PHB1: variants seen among roughly 807,000 people sequenced by gnomAD.
PHB1 encodes the protein epididymis luminal protein 215.
the PHB1 span, chr17:49,409,213 A>G: frequency 6.4e-7 from 1 of 1,573,106 alleles, no homozygotes; most frequent in Non-Finnish European, 8.7e-7. Flanking sequence ...GAAGCAGAAA[A>G]GGAACCAGGA....
the PHB1 span, among the ~76,000 whole-genome samples, chr17:49,408,601 C>T: frequency 3.3e-5 from 5 of 152,154 alleles, no homozygotes; most frequent in African/African-American, 1.2e-4. Flanking sequence ...ACTGGGGTTC[C>T]CAGAGCTTAC....
At chr17:49,405,169 A>G in the PHB1 span, 3 of 1,614,004 alleles carry the variant, frequency 1.9e-6, no homozygotes, top group Admixed American at 1.7e-5. Context: ...AGTCGCCCTC[A>G]GCAGAGATGA....
At chr17:49,409,212 A>G in the PHB1 span, 2 of 1,578,484 alleles carry the variant, frequency 1.3e-6, no homozygotes, top group Non-Finnish European at 1.7e-6. Context: ...GGAAGCAGAA[A>G]AGGAACCAGG....
the PHB1 span, chr17:49,411,913 A>T: frequency 1.0e-5 from 14 of 1,373,284 alleles, no homozygotes; most frequent in South Asian, 1.3e-4. Flanking sequence ...TCTTTGAAAG[A>T]GCCCTGGTGC....
At chr17:49,413,032 T>C in the PHB1 span, 1 of 635,116 alleles carries the variant, frequency 1.6e-6, no homozygotes, top group South Asian at 1.8e-5. Context: ...TGCAGTCCTG[T>C]GGTATGAAAT....
chr17:49,411,841 T>C, the PHB1 span: 1 of 1,613,244 alleles, frequency 6.2e-7, no homozygotes, highest in Non-Finnish European at 8.5e-7. Context: ...CAGCATCCAC[T>C]AGGAAGAAAG....
At chr17:49,409,598 A>G in the PHB1 span, 3 of 743,000 alleles carry the variant, frequency 4.0e-6, no homozygotes, top group African/African-American at 5.4e-5. Context: ...CTGGAGTACA[A>G]TGGGACAATC....
At chr17:49,406,890 T>C in the PHB1 span, 2 of 1,463,004 alleles carry the variant, frequency 1.4e-6, no homozygotes, top group Non-Finnish European at 9.6e-7. Flanking sequence ...TGAGGCAGTG[T>C]GATTGCTTCG....
chr17:49,409,530 GT>G, the PHB1 span: 1 of 1,146,860 alleles, frequency 8.7e-7, no homozygotes, highest in Non-Finnish European at 1.2e-6. Flanking sequence ...AGGAAAACAA[GT>G]GTTTTTTTTT....
chr17:49,407,665 A>AGCATT, the PHB1 span, among the ~76,000 whole-genome samples: 5 of 152,200 alleles, frequency 3.3e-5, no homozygotes, highest in Admixed American at 6.5e-5. Context: ...TCAAGAGAAG[A>AGCATT]GCATTGGTTT....
the PHB1 span, chr17:49,409,053 C>G: frequency 3.8e-6 from 6 of 1,599,604 alleles, no homozygotes; most frequent in Non-Finnish European, 5.1e-6. Context: ...AAGGACACGT[C>G]ATCCAGGATG....
At chr17:49,413,482 CTTT>C in the PHB1 span, among the ~76,000 whole-genome samples, 1 of 134,690 alleles carries the variant, frequency 7.4e-6, no homozygotes, top group African/African-American at 2.7e-5. Flanking sequence ...AATTCTTCTG[CTTT>C]TTTTTTTTTT....
the PHB1 span, chr17:49,409,541 T>TG: frequency 1.9e-6 from 2 of 1,057,260 alleles, no homozygotes; most frequent in Non-Finnish European, 2.6e-6. Flanking sequence ...TGTTTTTTTT[T>TG]TGTTTTTTTT....
chr17:49,413,513 T>A, the PHB1 span, among the ~76,000 whole-genome samples: 1 of 145,168 alleles, frequency 6.9e-6, no homozygotes, highest in Non-Finnish European at 1.5e-5. Flanking sequence ...TTTTCTTTCC[T>A]TTTTTTTTTT....
At chr17:49,408,982 C>T in the PHB1 span, 2 of 1,035,146 alleles carry the variant, frequency 1.9e-6, no homozygotes, top group South Asian at 1.5e-5. Context: ...AGAAATGGAG[C>T]CAGGCACCTA....
the PHB1 span, among the ~76,000 whole-genome samples, chr17:49,413,855 C>T: frequency 2.0e-5 from 3 of 152,054 alleles, no homozygotes; most frequent in Non-Finnish European, 4.4e-5. Context: ...GTCTGGGACA[C>T]TTGGTTCAAT....
chr17:49,406,253 A>C, the PHB1 span, among the ~76,000 whole-genome samples: 1 of 152,222 alleles, frequency 6.6e-6, no homozygotes, highest in Non-Finnish European at 1.5e-5. Flanking sequence ...TGGTGGGAAG[A>C]AGGGGACAAC....
chr17:49,406,508 A>G, the PHB1 span, among the ~76,000 whole-genome samples: 1 of 152,232 alleles, frequency 6.6e-6, no homozygotes, highest in African/African-American at 2.4e-5. Flanking sequence ...TTTGTAAGAG[A>G]GTGTTTTTGA....
the PHB1 span, chr17:49,406,789 T>C: frequency 6.2e-7 from 1 of 1,613,972 alleles, no homozygotes; most frequent in Non-Finnish European, 8.5e-7. Flanking sequence ...CCCTCTCTGC[T>C]TCCTGCTGAG....
Sources: allele counts gnomAD v4.1 joint callset (sites outside exome capture counted in the v4.1 genomes callset), GRCh38; gene constraint gnomAD v4.1.1; transcripts MANE v1.5; gene names NCBI Gene and HGNC (gene_info 2026-07-23, HGNC 2026-07-21).